PTPRN2: variants seen among roughly 807,000 people sequenced by gnomAD.
PTPRN2 encodes the protein protein tyrosine phosphatase receptor type N2, also known as receptor-type tyrosine-protein phosphatase N2.
PTPRN2 carries 74 observed loss-of-function variants against 118.8 expected under a neutral mutation model. The ratio of observed to expected loss-of-function variants is 0.62; its 90% confidence interval spans 0.52 to 0.76. The LOEUF (loss-of-function observed/expected upper bound fraction) is 0.76. Among genes scored for constraint, PTPRN2 ranks in the 30% least tolerant of loss-of-function variants. The pLI is 0.00. For missense variants in PTPRN2, 1,481 were observed against 1,394.4 expected (o/e 1.06, Z -0.99); for synonymous variants, 641 against 608.0 (o/e 1.05, Z -0.80).
rs531538515 is a variant in PTPRN2, at chr7:158,191,165, C to T, written c.549+1162G>A. On this transcript the variant is annotated intron_variant, in intron 5 of 22. Coordinates refer to ENST00000389418, the MANE Select transcript of PTPRN2 (RefSeq NM_002847.5). The stretch of plus-strand genomic sequence containing the variant: ...TACCTTTCGAGGTCTGTGGGGGTTG[C>T]CCAGAGTTAACTTAAGTCATTTCAA... Among the ~76,000 whole-genome samples the T allele has an allele frequency of 7.2e-5, 11 of 152,288 alleles. No homozygotes were observed. The South Asian group carries it at 2.3e-3, about 32-fold the overall frequency.
chr7:158,377,251 CA>C (rs1200047829), intron 2 of PTPRN2, among the ~76,000 whole-genome samples: 1 of 151,386 alleles, frequency 6.6e-6, no homozygotes, highest in African/African-American at 2.4e-5. Context: ...AGAGGGGGGT[CA>C]GGGGACTCCC....
At chr7:158,443,215 C>T (rs778279089) in intron 2 of PTPRN2, among the ~76,000 whole-genome samples, 6 of 152,104 alleles carry the variant, frequency 3.9e-5, no homozygotes, top group South Asian at 2.1e-4. Flanking sequence ...CTGCGGAGGA[C>T]GCTCCAAGCC....
In PTPRN2 at chr7:158,407,877, C is replaced by G. The variant is rs187385454; in HGVS notation, c.163+81858G>C. ...CGTGATTAGCTGGGAGGTTTGGAAA[C>G]AGCAAAAGCAAAAAGGCATCTCCCA... On this transcript the variant is annotated intron_variant, in intron 2 of 22. Transcript: ENST00000389418. 1.7e-3 allele frequency among the ~76,000 whole-genome samples: 260 copies of G among 152,304 alleles called. 1 individual carries two copies. Among genetic ancestry groups the G allele is most frequent in the African/African-American group, 6.1e-3 (252 of 41,576 alleles).
At chr7:158,184,056 CTAAG>C (rs1441176764) in intron 5 of PTPRN2, among the ~76,000 whole-genome samples, 3 of 119,168 alleles carry the variant, frequency 2.5e-5, no homozygotes, top group African/African-American at 8.2e-5. Flanking sequence ...AAGTATTTTT[CTAAG>C]TATGTGGCTT....
At chr7:158,008,814 C>T (rs957539357) in intron 11 of PTPRN2, among the ~76,000 whole-genome samples, 2 of 152,218 alleles carry the variant, frequency 1.3e-5, no homozygotes, top group Admixed American at 1.3e-4. Flanking sequence ...CTGTCTTTCT[C>T]ATGGTCTAGT....
chr7:157,690,644 G>A lies in PTPRN2; in HGVS notation c.1789-7707C>T, dbSNP rs1185466128. ...TCGGGGCGCAGCAGCTGCGGGTAGCGGCAGCGCCATCATCACAGCCAGCTG... is the reference window on the plus strand; with the variant it reads ...TCGGGGCGCAGCAGCTGCGGGTAGCAGCAGCGCCATCATCACAGCCAGCTG... On this transcript the variant is annotated intron_variant, in intron 12 of 22. Coordinates refer to ENST00000389418, the MANE Select transcript of PTPRN2 (RefSeq NM_002847.5). This position sits in a 1 kb window ranked among gnomAD's most constrained non-coding sequence, Gnocchi z 7.1. 6.6e-6 allele frequency among the ~76,000 whole-genome samples: 1 copy of A among 151,688 alleles called. No homozygotes were observed. Among genetic ancestry groups the A allele is most frequent in the African/African-American group, 2.4e-5 (1 of 41,378 alleles).
chr7:158,377,189 C>T (rs1157028751), intron 2 of PTPRN2, among the ~76,000 whole-genome samples: 2 of 51,582 alleles, frequency 3.9e-5, no homozygotes, highest in African/African-American at 8.5e-5. Context: ...CCCTGTCACA[C>T]GTCCTGAGAG....
intron 11 of PTPRN2, among the ~76,000 whole-genome samples, chr7:158,052,491 T>C (rs1394120902): frequency 6.6e-6 from 1 of 152,172 alleles, no homozygotes; most frequent in Non-Finnish European, 1.5e-5. Context: ...GCACCCAGCC[T>C]CCTGGGGAAG....
chr7:158,018,067 G>C (rs891249205), intron 11 of PTPRN2, among the ~76,000 whole-genome samples: 1 of 152,168 alleles, frequency 6.6e-6, no homozygotes, highest in Non-Finnish European at 1.5e-5. Context: ...CGAGTAGTGG[G>C]TTTGAAAGTT....
intron 1 of PTPRN2, among the ~76,000 whole-genome samples, chr7:158,505,713 G>C (rs570936820): frequency 7.2e-6 from 1 of 138,942 alleles, no homozygotes; most frequent in South Asian, 2.7e-4. Flanking sequence ...GGGAACGGAG[G>C]AGCCGGGGTG....
intron 2 of PTPRN2, among the ~76,000 whole-genome samples, chr7:158,329,862 A>C (rs1397175870): frequency 2.6e-4 from 39 of 152,120 alleles, no homozygotes; most frequent in Non-Finnish European, 1.5e-5. Context: ...TAGACTGTAG[A>C]TGCCAGCGTC....
intron 6 of PTPRN2, among the ~76,000 whole-genome samples, chr7:158,156,591 T>C (rs112226349): frequency 6.6e-6 from 1 of 152,142 alleles, no homozygotes; most frequent in South Asian, 2.1e-4. Flanking sequence ...AGAGGGCAGG[T>C]GAACACACAG....
At chr7:158,040,736 C>CTT (rs58192875) in intron 11 of PTPRN2, among the ~76,000 whole-genome samples, 18 of 142,206 alleles carry the variant, frequency 1.3e-4, no homozygotes, top group East Asian at 4.1e-4. Context: ...TTTTTTCTTT[C>CTT]TTTTTTTTTT....
At chr7:158,432,029 C>A (rs2129429606) in intron 2 of PTPRN2, among the ~76,000 whole-genome samples, 1 of 152,350 alleles carries the variant, frequency 6.6e-6, no homozygotes, top group Non-Finnish European at 1.5e-5. Flanking sequence ...TCCACTCTAA[C>A]AGGATCCCCT....
At chr7:158,267,089 G>A (rs759599426) in intron 3 of PTPRN2, among the ~76,000 whole-genome samples, 3 of 152,244 alleles carry the variant, frequency 2.0e-5, no homozygotes, top group East Asian at 3.9e-4. Flanking sequence ...CCACACCCGC[G>A]GCAGGTCCCG....
intron 11 of PTPRN2, among the ~76,000 whole-genome samples, chr7:157,958,112 G>T (rs561296998): frequency 6.6e-6 from 1 of 151,984 alleles, no homozygotes; most frequent in South Asian, 2.1e-4. Flanking sequence ...AATAATAAAC[G>T]CAATACACCC....
chr7:158,342,647 G>A (rs1423330119), intron 2 of PTPRN2, among the ~76,000 whole-genome samples: 5 of 152,172 alleles, frequency 3.3e-5, no homozygotes, highest in Non-Finnish European at 5.9e-5. Context: ...AGTCAACTCA[G>A]TCAGTCCTTA....
At chr7:157,898,156 C>G (rs1393354761) in intron 12 of PTPRN2, among the ~76,000 whole-genome samples, 1 of 152,164 alleles carries the variant, frequency 6.6e-6, no homozygotes, top group Non-Finnish European at 1.5e-5. Flanking sequence ...GAAGCATTGC[C>G]TCTCTGATAC....
intron 11 of PTPRN2, among the ~76,000 whole-genome samples, chr7:157,980,186 A>T (rs1226494187): frequency 6.6e-6 from 1 of 152,212 alleles, no homozygotes; most frequent in African/African-American, 2.4e-5. Flanking sequence ...GCAAAACAGG[A>T]ACTTGTTGAT....
Sources: gnomAD v4.1 joint callset for allele counts (sites outside exome capture counted in the v4.1 genomes callset) on GRCh38, gnomAD v4.1.1 for gene constraint, Gnocchi (gnomAD v3.1) non-coding constraint, MANE v1.5 for transcripts, NCBI Gene and HGNC (gene_info 2026-07-23, HGNC 2026-07-21) for gene names.